TAFA2: variants seen among roughly 807,000 people sequenced by gnomAD.
TAFA2 encodes the protein TAFA chemokine like family member 2.
Under a neutral mutation model 18.8 loss-of-function variants are expected in TAFA2, and 7 were observed. That is an observed-to-expected ratio of 0.37 (90% CI 0.21 to 0.70). TAFA2 has a LOEUF of 0.70. Among genes scored for constraint, TAFA2 ranks in the 30% least tolerant of loss-of-function variants. The pLI, the probability that TAFA2 is intolerant of heterozygous loss-of-function variation, is 0.53. For missense variants in TAFA2, 122 were observed against 158.1 expected (o/e 0.77, Z 1.23); for synonymous variants, 60 against 54.2 (o/e 1.11, Z -0.47).
At chr12:62,124,166 T>C (rs1173489255) in intron 1 of TAFA2, among the ~76,000 whole-genome samples, 1 of 152,012 alleles carries the variant, frequency 6.6e-6, no homozygotes, top group East Asian at 1.9e-4. Context: ...ATTGCAAAGA[T>C]AATGATATAA....
chr12:62,197,390 G>A (rs933913901), upstream of TAFA2, among the ~76,000 whole-genome samples: 3 of 152,218 alleles, frequency 2.0e-5, no homozygotes, highest in Non-Finnish European at 2.9e-5. Flanking sequence ...TGTTCTGTTC[G>A]CTAAAAATCA....
At chr12:62,050,554 A>C in intron 1 of TAFA2, among the ~76,000 whole-genome samples, 1 of 151,956 alleles carries the variant, frequency 6.6e-6, no homozygotes, top group South Asian at 2.1e-4. Context: ...CCTGGGCGAC[A>C]GAGTGAGACT....
intron 2 of TAFA2, among the ~76,000 whole-genome samples, chr12:61,779,582 C>T (rs1345662079): frequency 6.6e-6 from 1 of 151,812 alleles, no homozygotes; most frequent in African/African-American, 2.4e-5. Context: ...TATTCTAAGC[C>T]AAATACCCAG....
chr12:62,089,849 C>T (rs1868634627), intron 1 of TAFA2, among the ~76,000 whole-genome samples: 1 of 152,086 alleles, frequency 6.6e-6, no homozygotes, highest in African/African-American at 2.4e-5. Context: ...TTTGCTTATG[C>T]AAATATCATT....
intron 1 of TAFA2, among the ~76,000 whole-genome samples, chr12:62,224,388 A>C (rs981810364): frequency 1.3e-5 from 2 of 152,100 alleles, no homozygotes; most frequent in African/African-American, 4.8e-5. Context: ...TGGTGCCAGT[A>C]AATTCTGAGT....
chr12:62,227,197 A>AT (rs2062790621), intron 1 of TAFA2, among the ~76,000 whole-genome samples: 1 of 151,816 alleles, frequency 6.6e-6, no homozygotes, highest in Non-Finnish European at 1.5e-5. Context: ...AGATCACATT[A>AT]TTTTTTCCCT....
At chr12:62,087,657 A>C (rs1197564059) in intron 1 of TAFA2, among the ~76,000 whole-genome samples, 2 of 152,148 alleles carry the variant, frequency 1.3e-5, no homozygotes, top group Non-Finnish European at 2.9e-5. Flanking sequence ...GTGGTAGGCC[A>C]GGGAAGGAGC....
At chr12:61,880,622 C>T in intron 1 of TAFA2, 1 of 412,172 alleles carries the variant, frequency 2.4e-6, no homozygotes, top group African/African-American at 2.1e-5. Flanking sequence ...CACAAGCCCC[C>T]CTCCTCAGCT....
In TAFA2 at chr12:61,882,047, T is replaced by G. The variant is rs1335421166; in HGVS notation, c.-1-14621A>C. ...TGGACTTCAAATGAGTGCCATTATA[T>G]GAAATAACTGTGCTTATAAGAGTGC... On this transcript the variant is annotated intron_variant, in intron 1 of 4. Transcript: ENST00000416284. Among the ~76,000 whole-genome samples, 8 of 152,332 alleles carry G rather than the reference T, an allele frequency of 5.3e-5. No homozygotes were observed. The East Asian group carries it at 1.3e-3, about 26-fold the overall frequency.
chr12:61,711,278 A>G (rs1039959670), intron 4 of TAFA2, among the ~76,000 whole-genome samples: 6 of 151,674 alleles, frequency 4.0e-5, no homozygotes, highest in Non-Finnish European at 7.4e-5. Context: ...AGGGGAGAGG[A>G]AAAGAGATTT....
In TAFA2 at chr12:61,976,228, G is replaced by A. The variant is rs1041330440; in HGVS notation, c.-1-108802C>T. Among the ~76,000 whole-genome samples the A allele has an allele frequency of 5.7e-4, 87 of 151,776 alleles. 2 individuals carry two copies. The highest frequency in any genetic ancestry group is 5.7e-3 in the Admixed American group (87 of 15,202). ...TCATTTTCTTCACTGAGCCTCTGTT[G>A]GACTCATTAATTACCCAATCAAAAG... On this transcript the variant is annotated intron_variant, in intron 1 of 4. Coordinates refer to ENST00000416284, the MANE Select transcript of TAFA2 (RefSeq NM_178539.5).
At chr12:62,079,619 G>A (rs1205578020) in intron 1 of TAFA2, among the ~76,000 whole-genome samples, 2 of 151,272 alleles carry the variant, frequency 1.3e-5, no homozygotes, top group African/African-American at 2.4e-5. Flanking sequence ...AGCCGAGATC[G>A]TGCCACTACA....
intron 2 of TAFA2, among the ~76,000 whole-genome samples, chr12:61,852,959 A>G (rs542067921): frequency 4.6e-5 from 7 of 152,184 alleles, no homozygotes; most frequent in Non-Finnish European, 1.0e-4. Context: ...TAGGAAGAAT[A>G]AGTACTGCAG....
In TAFA2 at chr12:62,184,749, C is replaced by G. The variant is rs373548839; in HGVS notation, c.-2+6510G>C. ...TCCTGGGCTCAAGTGATCCTCTTGC[C>G]TCAGCTTCCCAAAGTGCTGGGATTA... On this transcript the variant is annotated intron_variant, in intron 1 of 4. Transcript: ENST00000416284. Among the ~76,000 whole-genome samples, 9 of 151,996 alleles carry G rather than the reference C, an allele frequency of 5.9e-5. No individual in the cohort carries two copies. In the East Asian group the frequency reaches 1.2e-3, roughly 20 times the overall value.
intron 2 of TAFA2, among the ~76,000 whole-genome samples, chr12:61,760,365 AATAT>A (rs71083956): frequency 7.4e-5 from 9 of 122,192 alleles, no homozygotes; most frequent in African/African-American, 1.2e-4. Flanking sequence ...AAAATATCAA[AATAT>A]ATATATATAT....
chr12:61,726,173 G>A (rs952516163), intron 4 of TAFA2, among the ~76,000 whole-genome samples: 1 of 151,630 alleles, frequency 6.6e-6, no homozygotes, highest in African/African-American at 2.4e-5. Flanking sequence ...AATGTTTTAA[G>A]AGTAGAATAA....
rs1869266795 is a variant in TAFA2 at position 61,708,978 on chromosome 12, C to A, written c.*1428G>T. 1 of 152,422 alleles carries A rather than the reference C, an allele frequency of 6.6e-6. No individual in the cohort carries two copies. 9.4% of individuals were successfully genotyped at this position (152,422 alleles called of 1,614,324 possible). A position where few individuals can be genotyped will look rare whatever the true frequency, so the allele number is the denominator to read the frequency against. On this transcript the variant is annotated 3_prime_UTR_variant, in exon 5 of 5. Coordinates refer to ENST00000416284, the MANE Select transcript of TAFA2 (RefSeq NM_178539.5). ...TTCCATGATGGAAATTCTAACAGGACAATTTTTGAAGCATCTTCTGAACAG... is the reference window on the plus strand; with the variant it reads ...TTCCATGATGGAAATTCTAACAGGAAAATTTTTGAAGCATCTTCTGAACAG...
At chr12:61,832,187 C>T (rs1201755869) in intron 2 of TAFA2, among the ~76,000 whole-genome samples, 1 of 152,028 alleles carries the variant, frequency 6.6e-6, no homozygotes, top group East Asian at 1.9e-4. Context: ...GTACCCAACA[C>T]CATAAAGCCG....
intron 1 of TAFA2, among the ~76,000 whole-genome samples, chr12:61,923,308 G>A (rs1877137622): frequency 6.6e-6 from 1 of 152,170 alleles, no homozygotes; most frequent in Admixed American, 6.5e-5. Context: ...ACACCTCCCA[G>A]CAGGGGTCAA....
Sources: allele counts gnomAD v4.1 joint callset (sites outside exome capture counted in the v4.1 genomes callset), GRCh38; gene constraint gnomAD v4.1.1; transcripts MANE v1.5; gene names NCBI Gene and HGNC (gene_info 2026-07-23, HGNC 2026-07-21).